The following NAALADL2 variants were observed in gnomAD, a reference collection of about 807,000 sequenced individuals.
NAALADL2 encodes N-acetylated alpha-linked acidic dipeptidase like 2, also known as inactive N-acetylated-alpha-linked acidic dipeptidase-like protein 2.
A neutral mutation model predicts 87.2 loss-of-function variants in NAALADL2; 76 were observed. That is an observed-to-expected ratio of 0.87 (90% CI 0.72 to 1.05). The LOEUF (loss-of-function observed/expected upper bound fraction) is 1.05, where lower values mean the gene tolerates loss of function less well. NAALADL2 is among the 50% of genes least tolerant of loss of function. The pLI is 0.00. For synonymous variants in NAALADL2, 354 were observed against 331.0 expected (o/e 1.07, Z -0.75); for missense variants, 1,089 against 945.8 (o/e 1.15, Z -1.99).
rs564406728 is a variant in NAALADL2 at position 175,716,935 on chromosome 3, T to G, written c.1897-20371T>G. On this transcript the variant is annotated intron_variant, in intron 11 of 13. Coordinates refer to ENST00000454872, the MANE Select transcript of NAALADL2 (RefSeq NM_207015.3). ...TAAACAAACAAATAAGTAGCATGAC[T>G]GGAAAAAGAAAGGTATTCCCTGATG... 3.3e-5 allele frequency among the ~76,000 whole-genome samples: 5 copies of G among 152,242 alleles called. No homozygotes were observed. The South Asian group carries it at 1.0e-3, about 32-fold the overall frequency.
intron 1 of NAALADL2, among the ~76,000 whole-genome samples, chr3:174,985,965 A>G (rs1455410325): frequency 6.6e-6 from 1 of 151,552 alleles, no homozygotes; most frequent in Non-Finnish European, 1.5e-5. Context: ...AAAAAACAAA[A>G]TAAAACAAAA....
At chr3:174,473,034 A>G (rs919291002) in intron 1 of NAALADL2, among the ~76,000 whole-genome samples, 1 of 152,164 alleles carries the variant, frequency 6.6e-6, no homozygotes, top group African/African-American at 2.4e-5. Context: ...GTAAAGAGGG[A>G]ATAATGTTTG....
At position 175,698,467 on chromosome 3, in the gene NAALADL2, ATGTGTG is replaced by A. The variant is rs1311771827; in HGVS notation, c.1897-38837_1897-38832del. 2.8e-4 allele frequency among the ~76,000 whole-genome samples: 36 copies of A among 126,564 alleles called. 6 individuals carry two copies. The highest frequency in any genetic ancestry group is 9.0e-4 in the African/African-American group (25 of 27,894). The allele number at this position is 126,564 out of a possible 152,430, so 83.0% of individuals were successfully genotyped here. On this transcript the variant is annotated intron_variant, in intron 11 of 13. Transcript: ENST00000454872. ...TGTATGTATACATATATGTGTATAT[ATGTGTG>A]TATATATATTTATATATATATATAT... is the stretch of plus-strand genomic sequence containing the variant.
Position 175,514,337 on chromosome 3 carries a change from T to G in NAALADL2, c.1653+42579T>G, listed in dbSNP as rs112875313. ...TGGAAAATGTATAGGTTTATTAGAA[T>G]TTATAATGTATTAACTATAACATAA... On this transcript the variant is annotated intron_variant, in intron 9 of 13. Transcript: ENST00000454872. 9.3e-3 allele frequency among the ~76,000 whole-genome samples: 1,419 copies of G among 152,282 alleles called. 26 individuals carry two copies. The highest frequency in any genetic ancestry group is 0.032 in the African/African-American group (1,323 of 41,550).
chr3:175,238,060 TG>T (rs746988256), intron 3 of NAALADL2, among the ~76,000 whole-genome samples: 80 of 152,196 alleles, frequency 5.3e-4, no homozygotes, highest in Admixed American at 1.0e-3. Context: ...CTGGGTGGGG[TG>T]TTTTTTTTAA....
At position 174,455,181 on chromosome 3, in the gene NAALADL2, G is replaced by A. The variant is rs551534544; in HGVS notation, c.-184+14149G>A. 7.2e-5 allele frequency among the ~76,000 whole-genome samples: 11 copies of A among 152,186 alleles called. No homozygotes were observed. The East Asian group carries it at 1.7e-3, about 24-fold the overall frequency. ...CACACCCTCCCAAGACTACCAGAAA[G>A]AAAGTGAATCCCTGAACAGACCAAT... On this transcript the variant is annotated intron_variant, in intron 1 of 3. Coordinates refer to the NAALADL2 transcript ENST00000434257.
intron 2 of NAALADL2, among the ~76,000 whole-genome samples, chr3:174,665,552 T>C (rs1185149783): frequency 6.6e-6 from 1 of 152,168 alleles, no homozygotes; most frequent in African/African-American, 2.4e-5. Context: ...TCAGAGAGAA[T>C]AAGTGTTCAG....
At chr3:175,132,954 C>T (rs1728389069) in intron 2 of NAALADL2, among the ~76,000 whole-genome samples, 1 of 151,740 alleles carries the variant, frequency 6.6e-6, no homozygotes. Flanking sequence ...CAGAGGGTCT[C>T]CTCTCTTCTC....
At position 175,657,644 on chromosome 3, in the gene NAALADL2, G is replaced by A. The variant is rs375564131; in HGVS notation, c.1896+30258G>A. Among the ~76,000 whole-genome samples the A allele has an allele frequency of 9.9e-5, 15 of 150,852 alleles. No homozygotes were observed. The East Asian group carries it at 1.8e-3, about 18-fold the overall frequency. On this transcript the variant is annotated intron_variant, in intron 11 of 13. Transcript: ENST00000454872. ...CCCCCAGGCTGGAGTGCAGTGGCAC[G>A]ATCTGGGCTCACTGCAAGCTCCGCC...
chr3:175,230,373 A>C (rs1284951653), intron 2 of NAALADL2, among the ~76,000 whole-genome samples: 2 of 152,120 alleles, frequency 1.3e-5, no homozygotes, highest in African/African-American at 4.8e-5. Flanking sequence ...AAAAGAGAAG[A>C]CAAAAACTAG....
At chr3:175,802,948 T>C (rs12107944) in intron 13 of NAALADL2, 57 bp from the exon 14 acceptor site, 116,361 of 1,117,400 alleles carry the variant, frequency 0.1, 10,097 homozygotes, top group African/African-American at 0.37. Flanking sequence ...ATTCCAACGT[T>C]TGATAGAAAA....
intron 2 of NAALADL2, among the ~76,000 whole-genome samples, chr3:174,644,164 CAAAGAT>C (rs761089578): frequency 2.6e-5 from 4 of 152,098 alleles, no homozygotes; most frequent in Non-Finnish European, 5.9e-5. Flanking sequence ...ATGGGTTAGA[CAAAGAT>C]AAAGGATGCA....
intron 1 of NAALADL2, among the ~76,000 whole-genome samples, chr3:174,869,684 C>T (rs1195718375): frequency 6.6e-6 from 1 of 151,962 alleles, no homozygotes; most frequent in Admixed American, 6.6e-5. Flanking sequence ...GCCGCAGCTG[C>T]AGTGAAGTTA....
chr3:175,315,281 T>C (rs1389824670), intron 4 of NAALADL2, among the ~76,000 whole-genome samples: 1 of 152,156 alleles, frequency 6.6e-6, no homozygotes, highest in Non-Finnish European at 1.5e-5. Flanking sequence ...AGGATTACAT[T>C]GAGTTAAGCA....
At chr3:175,615,719 G>A (rs1242073447) in intron 10 of NAALADL2, among the ~76,000 whole-genome samples, 4 of 151,594 alleles carry the variant, frequency 2.6e-5, no homozygotes, top group Non-Finnish European at 5.9e-5. Context: ...TCAGCCAGGC[G>A]TGTGGCACGC....
chr3:175,029,066 A>ATATATATATATAT (rs569220638), intron 1 of NAALADL2, among the ~76,000 whole-genome samples: 2 of 135,978 alleles, frequency 1.5e-5, no homozygotes, highest in Admixed American at 7.3e-5. Context: ...TATATATATA[A>ATATATATATATAT]AAAACTCAAA....
chr3:175,799,205 G>C (rs1753842932), intron 13 of NAALADL2, among the ~76,000 whole-genome samples: 1 of 150,450 alleles, frequency 6.6e-6, no homozygotes, highest in South Asian at 2.1e-4. Flanking sequence ...AATTAAACAT[G>C]AAACTCATAA....
chr3:174,501,858 TATC>T (rs1455378126), intron 1 of NAALADL2, among the ~76,000 whole-genome samples: 1 of 152,090 alleles, frequency 6.6e-6, no homozygotes, highest in Non-Finnish European at 1.5e-5. Flanking sequence ...CAATTTTTGA[TATC>T]ATTGAATTTT....
chr3:174,905,357 G>A (rs533115489), intron 1 of NAALADL2, among the ~76,000 whole-genome samples: 1 of 151,562 alleles, frequency 6.6e-6, no homozygotes, highest in Non-Finnish European at 1.5e-5. Context: ...CACTTTTCTG[G>A]CTATCCCCGC....
Sources: gnomAD v4.1 joint callset for allele counts (sites outside exome capture counted in the v4.1 genomes callset) on GRCh38, gnomAD v4.1.1 for gene constraint, MANE v1.5 for transcripts, NCBI Gene and HGNC (gene_info 2026-07-23, HGNC 2026-07-21) for gene names.